Variants in OTUD7A observed in about 807,000 individuals in gnomAD.
OTUD7A encodes the protein OTU deubiquitinase 7A, also known as OTU domain-containing protein 7A.
OTUD7A carries 12 observed loss-of-function variants against 65.7 expected under a neutral mutation model. That is an observed-to-expected ratio of 0.18 (90% CI 0.12 to 0.30). The LOEUF (loss-of-function observed/expected upper bound fraction) is 0.30. Among genes scored for constraint, OTUD7A ranks in the 10% least tolerant of loss-of-function variants. The pLI is 1.00. For missense variants in OTUD7A, 1,148 were observed against 1,304.8 expected, an observed-to-expected ratio of 0.88 and a Z score of 1.85; for synonymous variants, 641 against 586.3, an observed-to-expected ratio of 1.09 and a Z score of -1.35.
chr15:31,700,067 T>C (rs1893179164), intron 1 of OTUD7A, among the ~76,000 whole-genome samples: 1 of 151,624 alleles, frequency 6.6e-6, no homozygotes, highest in South Asian at 2.1e-4. Flanking sequence ...CACCCCCTGC[T>C]AATGACGGAA....
intron 1 of OTUD7A, among the ~76,000 whole-genome samples, chr15:31,828,502 G>T (rs902769685): frequency 2.0e-5 from 3 of 152,124 alleles, no homozygotes; most frequent in Non-Finnish European, 4.4e-5. Context: ...TGTACAGTAG[G>T]ATAACTATAG....
intron 5 of OTUD7A, 179 bp downstream of exon 5, chr15:31,558,790 T>C (rs535591314): frequency 8.9e-6 from 6 of 676,464 alleles, no homozygotes; most frequent in South Asian, 5.7e-5. Flanking sequence ...ATCCAGCCCA[T>C]GCTGGCTAGA....
chr15:31,610,609 A>ATTTTTTTTTTT (rs1566942812), intron 3 of OTUD7A, among the ~76,000 whole-genome samples: 4 of 39,786 alleles, frequency 1.0e-4, no homozygotes, highest in South Asian at 8.6e-4. Context: ...ATATATATAT[A>ATTTTTTTTTTT]TATATATATT....
chr15:31,765,714 C>T, intron 1 of OTUD7A: 2 of 983,032 alleles, frequency 2.0e-6, no homozygotes, highest in South Asian at 1.6e-5. Context: ...TATCAAAGTT[C>T]CACAAGTATT....
chr15:31,688,511 C>T (rs541523541), intron 1 of OTUD7A, among the ~76,000 whole-genome samples: 1 of 151,922 alleles, frequency 6.6e-6, no homozygotes, highest in East Asian at 1.9e-4. Context: ...GTGAGTGATA[C>T]TTAATTGAAC....
chr15:31,772,426 A>G (rs1380396735), intron 1 of OTUD7A, among the ~76,000 whole-genome samples: 1 of 152,190 alleles, frequency 6.6e-6, no homozygotes, highest in Admixed American at 6.5e-5. Context: ...TACAGTGAGT[A>G]AAGGAATAAA....
chr15:31,797,150 C>T (rs1290538506), intron 1 of OTUD7A, among the ~76,000 whole-genome samples: 2 of 152,166 alleles, frequency 1.3e-5, no homozygotes, highest in African/African-American at 2.4e-5. Context: ...GATGGCACCT[C>T]GCTGGTGTCA....
intron 1 of OTUD7A, among the ~76,000 whole-genome samples, chr15:31,861,679 T>C (rs1897745102): frequency 6.6e-6 from 1 of 152,126 alleles, no homozygotes; most frequent in South Asian, 2.1e-4. Context: ...ATCAAGAGAT[T>C]TGGGGATGAA....
At chr15:31,663,742 G>T (rs1892239072) in intron 1 of OTUD7A, among the ~76,000 whole-genome samples, 1 of 152,138 alleles carries the variant, frequency 6.6e-6, no homozygotes, top group East Asian at 1.9e-4. Flanking sequence ...GTTCTTCAGT[G>T]GCGATTTTTG....
intron 1 of OTUD7A, among the ~76,000 whole-genome samples, chr15:31,782,970 C>T (rs781530080): frequency 1.3e-5 from 2 of 152,064 alleles, no homozygotes; most frequent in East Asian, 1.9e-4. Context: ...TATTTAAAGC[C>T]GTGGAACTTG....
chr15:31,866,141 T>C (rs1897869852), intron 1 of OTUD7A, among the ~76,000 whole-genome samples: 2 of 152,258 alleles, frequency 1.3e-5, no homozygotes, highest in South Asian at 4.1e-4. Context: ...TGTGAGATGC[T>C]GTAGAGCAGT....
intron 6 of OTUD7A, 39 bp downstream of exon 6, chr15:31,530,668 T>G: frequency 1.3e-6 from 2 of 1,576,100 alleles, no homozygotes; most frequent in Non-Finnish European, 1.7e-6. Flanking sequence ...TACGCAGGCC[T>G]GGAGCCTGGC....
intron 1 of OTUD7A, among the ~76,000 whole-genome samples, chr15:31,802,103 A>ATG (rs1255794707): frequency 2.1e-3 from 74 of 35,554 alleles, no homozygotes; most frequent in Admixed American, 3.8e-3. Context: ...GTGTGTATAT[A>ATG]TGTGTGTGTG....
chr15:31,542,043 T>C (rs1888002103), intron 5 of OTUD7A, among the ~76,000 whole-genome samples: 1 of 152,096 alleles, frequency 6.6e-6, no homozygotes, highest in Non-Finnish European at 1.5e-5. Context: ...GTACCAAAGG[T>C]AATTCCTCTT....
chr15:31,719,753 G>C (rs1893684701), intron 1 of OTUD7A, among the ~76,000 whole-genome samples: 1 of 152,152 alleles, frequency 6.6e-6, no homozygotes, highest in Admixed American at 6.5e-5. Flanking sequence ...CAGAAGAAAA[G>C]CCAAGTCCTA....
intron 1 of OTUD7A, among the ~76,000 whole-genome samples, chr15:31,739,023 A>G (rs1894266842): frequency 7.4e-6 from 1 of 134,436 alleles, no homozygotes; most frequent in Non-Finnish European, 1.6e-5. Flanking sequence ...TGGGGGCTTC[A>G]GAAAGGCCAC....
Position 31,475,674 on chromosome 15 carries a change from C to A in OTUD7A, c.*7620G>T, listed in dbSNP as rs530555641. The stretch of plus-strand genomic sequence containing the variant: ...TCCCAACCACAGAAGACAGCTCTTA[C>A]AATGGGTTTCTTCTCCAAGAATGGA... On this transcript the variant is annotated 3_prime_UTR_variant, in exon 13 of 13. Transcript: ENST00000307050. 1 of 152,324 alleles carries A rather than the reference C, an allele frequency of 6.6e-6. No homozygotes were observed. Among genetic ancestry groups the A allele is most frequent in the East Asian group, 1.9e-4 (1 of 5,188 alleles). The allele number at this position is 152,324 out of a possible 1,614,324, so 9.4% of individuals were successfully genotyped here.
chr15:31,526,271 CA>C, intron 8 of OTUD7A, 77 bp downstream of exon 8: 1 of 1,330,282 alleles, frequency 7.5e-7, no homozygotes. Flanking sequence ...CCCCCCGTGC[CA>C]TCCCCCCATG....
intron 1 of OTUD7A, among the ~76,000 whole-genome samples, chr15:31,830,573 G>T (rs766318540): frequency 2.4e-4 from 36 of 152,202 alleles, no homozygotes; most frequent in Non-Finnish European, 2.6e-4. Context: ...CTAAGCAATT[G>T]GAGCTACATC....
Sources: gnomAD v4.1 joint callset for allele counts (sites outside exome capture counted in the v4.1 genomes callset) on GRCh38, gnomAD v4.1.1 for gene constraint, MANE v1.5 for transcripts, NCBI Gene and HGNC (gene_info 2026-07-23, HGNC 2026-07-21) for gene names.